The following AGPAT3 variants were observed in gnomAD, a reference collection of about 807,000 sequenced individuals.
AGPAT3 encodes 1-acyl-sn-glycerol-3-phosphate acyltransferase gamma.
AGPAT3 carries 5 observed loss-of-function variants against 47.3 expected under a neutral mutation model. The ratio of observed to expected loss-of-function variants is 0.11; its 90% CI spans 0.06 to 0.22. AGPAT3 has a LOEUF of 0.22. Among genes scored for constraint, AGPAT3 ranks in the 10% least tolerant of loss-of-function variants. AGPAT3 has a pLI of 1.00. For synonymous variants in AGPAT3, 212 were observed against 208.3 expected (o/e 1.02, Z -0.15); for missense variants, 315 against 493.0 (o/e 0.64, Z 3.42).
chr21:43,980,171 G>A (rs1371696914), intron 8 of AGPAT3, among the ~76,000 whole-genome samples: 2 of 151,516 alleles, frequency 1.3e-5, no homozygotes, highest in Non-Finnish European at 2.9e-5. Context: ...AGCTACTCAG[G>A]AGGCTGAGGC....
At position 43,985,160 on chromosome 21, in the gene AGPAT3, T is replaced by G. The variant is rs2030140269; in HGVS notation, c.*2768T>G. Reference sequence around the variant, plus strand: ...GCTGGCCTCCCAGCTTAGGCCCAGGTGCCAGGTGTCATGGGGTCTCCTGCC... The same window carrying G: ...GCTGGCCTCCCAGCTTAGGCCCAGGGGCCAGGTGTCATGGGGTCTCCTGCC... On this transcript the variant is annotated 3_prime_UTR_variant, in exon 10 of 10. Transcript: ENST00000291572. 1 of 456,188 alleles carries G rather than the reference T, an allele frequency of 2.2e-6. No individual in the cohort carries two copies. Among genetic ancestry groups the G allele is most frequent in the Admixed American group, 2.3e-5 (1 of 42,568 alleles). 28.3% of individuals were successfully genotyped at this position (456,188 alleles called of 1,614,324 possible).
intron 2 of AGPAT3, among the ~76,000 whole-genome samples, chr21:43,938,125 C>G (rs2087514657): frequency 6.6e-6 from 1 of 151,724 alleles, no homozygotes; most frequent in Non-Finnish European, 1.5e-5. Flanking sequence ...CAGACACACA[C>G]ACACACACAC....
At chr21:43,974,993 T>G (rs1483112073) in intron 7 of AGPAT3, among the ~76,000 whole-genome samples, 1 of 152,202 alleles carries the variant, frequency 6.6e-6, no homozygotes, top group Non-Finnish European at 1.5e-5. Context: ...ACACTGCATG[T>G]GTGCTGGTGT....
chr21:43,933,223 C>T lies in AGPAT3; in HGVS notation c.-48-26411C>T, dbSNP rs913914331. Among the ~76,000 whole-genome samples the T allele has an allele frequency of 2.6e-5, 4 of 152,054 alleles. No individual in the cohort carries two copies. Among genetic ancestry groups the T allele is most frequent in the African/African-American group, 7.2e-5 (3 of 41,396 alleles). On this transcript the variant is annotated intron_variant, in intron 2 of 9. Transcript: ENST00000291572. This position sits in a 1 kb window ranked among gnomAD's most constrained non-coding sequence, Gnocchi z 6.0. ...GGTGTGGCTCCTTCTGAGGCACAGC[C>T]GTTCGGGTCCTTTGCTGTTTGCTTT...
chr21:43,986,731 C>A lies in AGPAT3; in HGVS notation c.*4339C>A, dbSNP rs1720205399. Among the ~76,000 whole-genome samples, 1 of 152,218 alleles carries A rather than the reference C, an allele frequency of 6.6e-6. No homozygotes were observed. The highest frequency in any genetic ancestry group is 6.5e-5 in the Admixed American group (1 of 15,282). On this transcript the variant is annotated 3_prime_UTR_variant, in exon 10 of 10. Transcript: ENST00000291572. Reference sequence around the variant, plus strand: ...CCATTGACCTGAGTGCGCATGACAGCCACTGGCTTCTTTTTCTATGATTGA... The same window carrying A: ...CCATTGACCTGAGTGCGCATGACAGACACTGGCTTCTTTTTCTATGATTGA...
At chr21:43,937,038 A>G (rs752372419) in intron 2 of AGPAT3, among the ~76,000 whole-genome samples, 6 of 152,226 alleles carry the variant, frequency 3.9e-5, no homozygotes, top group East Asian at 1.9e-4. Context: ...GGAATTCTCC[A>G]TTCACGTACT....
intron 1 of AGPAT3, among the ~76,000 whole-genome samples, chr21:43,881,118 T>C (rs2085846199): frequency 6.6e-6 from 1 of 152,228 alleles, no homozygotes; most frequent in African/African-American, 2.4e-5. Context: ...GGATCAGTTT[T>C]TTCTTCCTTC....
intron 2 of AGPAT3, among the ~76,000 whole-genome samples, chr21:43,941,134 C>T (rs561488282): frequency 6.6e-6 from 1 of 152,274 alleles, no homozygotes; most frequent in Admixed American, 6.5e-5. Flanking sequence ...AGTCTGGGTG[C>T]CAACTTTATT....
chr21:43,868,562 T>C (rs968572392), intron 1 of AGPAT3, among the ~76,000 whole-genome samples: 5 of 152,168 alleles, frequency 3.3e-5, no homozygotes, highest in African/African-American at 1.2e-4. Flanking sequence ...TAAATAACAA[T>C]AATGATGAAT....
At chr21:43,977,072 G>A (rs752885430) in intron 7 of AGPAT3, among the ~76,000 whole-genome samples, 3 of 152,100 alleles carry the variant, frequency 2.0e-5, no homozygotes, top group Admixed American at 6.5e-5. Flanking sequence ...AAAATTTTCC[G>A]ATTAGATTTG....
chr21:43,921,554 C>A (rs2086892200), intron 2 of AGPAT3, among the ~76,000 whole-genome samples: 1 of 152,100 alleles, frequency 6.6e-6, no homozygotes, highest in African/African-American at 2.4e-5. Flanking sequence ...AAATCCCCAC[C>A]CGTTTTGGTG....
intron 2 of AGPAT3, among the ~76,000 whole-genome samples, chr21:43,958,834 GGTGT>G (rs2088635051): frequency 6.8e-6 from 1 of 148,058 alleles, no homozygotes; most frequent in Non-Finnish European, 1.5e-5. Flanking sequence ...TGTGATGTGT[GGTGT>G]GTGTGGCATG....
chr21:43,953,639 G>T (rs1325957923), intron 2 of AGPAT3, among the ~76,000 whole-genome samples: 1 of 152,216 alleles, frequency 6.6e-6, no homozygotes, highest in Non-Finnish European at 1.5e-5. Context: ...GATTCCAGGA[G>T]CAAGTGGAAC....
rs1359467011 is a variant in AGPAT3 at position 43,955,717 on chromosome 21, CCAACATGG to C, written c.-48-3915_-48-3908del. 6.6e-6 allele frequency among the ~76,000 whole-genome samples: 1 copy of C among 151,968 alleles called. No homozygotes were observed. The highest frequency in any genetic ancestry group is 2.0e-4 in the East Asian group (1 of 5,060). ...GGTCAGGAGATCGAGGCCAGCCTGG[CCAACATGG>C]CGAAACCCCATCTCTACTAAACATA... On this transcript the variant is annotated intron_variant, in intron 2 of 9. Transcript: ENST00000291572. This position sits in a 1 kb window ranked among gnomAD's most constrained non-coding sequence, Gnocchi z 4.1.
rs1259622387 is a variant in AGPAT3, at chr21:43,987,404, C to T, written c.*5012C>T. On this transcript the variant is annotated 3_prime_UTR_variant, in exon 10 of 10. Coordinates refer to ENST00000291572, the MANE Select transcript of AGPAT3 (RefSeq NM_020132.5). The stretch of plus-strand genomic sequence containing the variant: ...GGAAATCAGCCAGTCCACAAAAATA[C>T]GCAAAATGACCTGATGATGTCCAAA... Among the ~76,000 whole-genome samples the T allele has an allele frequency of 2.0e-5, 3 of 152,298 alleles. No homozygotes were observed. The highest frequency in any genetic ancestry group is 4.1e-4 in the South Asian group (2 of 4,828).
chr21:43,971,374 G>T lies in AGPAT3; in HGVS notation c.665-14G>T, dbSNP rs3737360. 1.2e-6 allele frequency: 2 copies of T among 1,612,992 alleles called. No individual in the cohort carries two copies. The highest frequency in any genetic ancestry group is 2.2e-5 in the East Asian group (1 of 44,876). ...CCTGGGCTGGGTCATTCACCCTCCC[G>T]TCTCCTCCCACAGTCGCAGCTGTCT... is the stretch of plus-strand genomic sequence containing the variant. On this transcript the variant is annotated splice_polypyrimidine_tract_variant and intron_variant, in intron 6 of 9. Coordinates refer to ENST00000291572, the MANE Select transcript of AGPAT3 (RefSeq NM_020132.5).
chr21:43,913,436 A>G (rs2086667141), intron 2 of AGPAT3, among the ~76,000 whole-genome samples: 1 of 152,074 alleles, frequency 6.6e-6, no homozygotes, highest in Admixed American at 6.6e-5. Context: ...AAATACAAAA[A>G]TTAGCCAGGC....
At chr21:43,899,420 G>A (rs1044380066) in intron 1 of AGPAT3, among the ~76,000 whole-genome samples, 5 of 152,186 alleles carry the variant, frequency 3.3e-5, no homozygotes, top group Non-Finnish European at 7.3e-5. Context: ...CATCAAGAAA[G>A]GACGACCACA....
At chr21:43,978,197 G>A in intron 8 of AGPAT3, 76 bp downstream of exon 8, 1 of 1,306,766 alleles carries the variant, frequency 7.7e-7, no homozygotes, top group Non-Finnish European at 1.1e-6. Flanking sequence ...GAGCAGGCAG[G>A]TGACACGTGG....
Sources: gnomAD v4.1 joint callset for allele counts (sites outside exome capture counted in the v4.1 genomes callset) on GRCh38, gnomAD v4.1.1 for gene constraint, Gnocchi (gnomAD v3.1) non-coding constraint, MANE v1.5 for transcripts, NCBI Gene and HGNC (gene_info 2026-07-23, HGNC 2026-07-21) for gene names.